The following XYLB variants were observed in gnomAD, a reference collection of about 807,000 sequenced individuals.
The protein encoded by XYLB is xylulokinase.
XYLB carries 62 observed loss-of-function variants against 78.7 expected under a neutral mutation model. The ratio of observed to expected loss-of-function variants is 0.79; its 90% confidence interval spans 0.64 to 0.97. The LOEUF is 0.97. XYLB is among the 50% of genes least tolerant of loss of function. The pLI, the probability that XYLB is intolerant of heterozygous loss-of-function variation, is 0.00. For missense variants in XYLB, 687 were observed against 676.8 expected (o/e 1.02, Z -0.17); for synonymous variants, 245 against 247.4 (o/e 0.99, Z 0.09).
In XYLB at chr3:38,349,499, G is replaced by C. The variant is rs550603004; in HGVS notation, c.140+867G>C. Among the ~76,000 whole-genome samples the C allele has an allele frequency of 5.3e-5, 8 of 152,304 alleles. No homozygotes were observed. The South Asian group carries it at 8.3e-4, about 16-fold the overall frequency. ...TAAAGAGGTTTTTGCTGGTCATTCAGGTATGAAATGATGGATAGGAGAGAG... is the reference window on the plus strand; with the variant it reads ...TAAAGAGGTTTTTGCTGGTCATTCACGTATGAAATGATGGATAGGAGAGAG... On this transcript the variant is annotated intron_variant, in intron 2 of 18. Transcript: ENST00000207870.
At chr3:38,389,439 C>T (rs1450471760) in intron 15 of XYLB, among the ~76,000 whole-genome samples, 1 of 152,074 alleles carries the variant, frequency 6.6e-6, no homozygotes, top group East Asian at 1.9e-4. Context: ...CATCATGGCC[C>T]GTTCTCAATG....
At position 38,413,056 on chromosome 3, in the gene XYLB, C is replaced by G. The variant is rs762655005; in HGVS notation, c.*43C>G. Reference sequence around the variant, plus strand: ...CCCTGCCTGCCCAGATTTACTGACCCCATTTGTCGACATGGCCCCAGACAG... The same window carrying G: ...CCCTGCCTGCCCAGATTTACTGACCGCATTTGTCGACATGGCCCCAGACAG... On this transcript the variant is annotated 3_prime_UTR_variant, in exon 19 of 19. Transcript: ENST00000207870. 15 of 1,550,036 alleles carry G rather than the reference C, an allele frequency of 9.7e-6. No homozygotes were observed. The highest frequency in any genetic ancestry group is 1.7e-4 in the Middle Eastern group (1 of 5,878).
Position 38,370,044 on chromosome 3 carries a change from T to A in XYLB, c.647-12T>A. On this transcript the variant is annotated splice_polypyrimidine_tract_variant and intron_variant, in intron 8 of 18. Coordinates refer to ENST00000207870, the MANE Select transcript of XYLB (RefSeq NM_005108.4). ...TCAAGATTGTCTGTTGTTTGTTTCC[T>A]TCCTTCCTCAGGTTCTGGAATGAAT... 1 of 1,611,422 alleles carries A rather than the reference T, an allele frequency of 6.2e-7. No individual in the cohort carries two copies. Among genetic ancestry groups the A allele is most frequent in the South Asian group, 1.1e-5 (1 of 91,004 alleles).
At chr3:38,434,153 C>T in the XYLB span, among the ~76,000 whole-genome samples, 6 of 152,308 alleles carry the variant, frequency 3.9e-5, no homozygotes, top group South Asian at 1.2e-3. Context: ...AAACCATCTC[C>T]ATGTTTCAAT....
At chr3:38,347,277 C>T (rs1005837795) in intron 1 of XYLB, among the ~76,000 whole-genome samples, 2 of 152,214 alleles carry the variant, frequency 1.3e-5, no homozygotes, top group Non-Finnish European at 2.9e-5. Context: ...GACGGGGATC[C>T]GAAGGAAGTC....
At chr3:38,402,730 C>T (rs1361757376) in intron 18 of XYLB, among the ~76,000 whole-genome samples, 2 of 152,116 alleles carry the variant, frequency 1.3e-5, no homozygotes, top group Admixed American at 1.3e-4. Context: ...GAATCCTTGA[C>T]CAAAATGGCT....
rs1004660196 is a variant in XYLB, at chr3:38,408,033, C to T, written c.1534-4903C>T. On this transcript the variant is annotated intron_variant, in intron 18 of 18. Transcript: ENST00000207870. The stretch of plus-strand genomic sequence containing the variant: ...TGAACTCAGCTCTGCACCAAGCGGA[C>T]CTAATAGACATCTACAGAACTCTCC... Among the ~76,000 whole-genome samples the T allele has an allele frequency of 6.9e-3, 1,049 of 152,096 alleles. 8 individuals are homozygous for T. The highest frequency in any genetic ancestry group is 0.024 in the African/African-American group (1,009 of 41,484).
chr3:38,406,268 G>GT, intron 18 of XYLB, among the ~76,000 whole-genome samples: 1 of 152,374 alleles, frequency 6.6e-6, no homozygotes, highest in East Asian at 1.9e-4. Flanking sequence ...CTGATACCCA[G>GT]GCAAACAGGG....
chr3:38,387,364 T>C (rs1399984398), intron 15 of XYLB, among the ~76,000 whole-genome samples: 1 of 152,088 alleles, frequency 6.6e-6, no homozygotes, highest in Non-Finnish European at 1.5e-5. Context: ...ATTTTTTGTT[T>C]TGTTTTGTTA....
At chr3:38,437,054 C>CA in the XYLB span, among the ~76,000 whole-genome samples, 29 of 121,462 alleles carry the variant, frequency 2.4e-4, no homozygotes, top group East Asian at 1.2e-3. Flanking sequence ...TAACAAAAAC[C>CA]AAAAAAAACC....
At position 38,376,156 on chromosome 3, in the gene XYLB, C is replaced by T. The variant is rs572441504; in HGVS notation, c.1044C>T (p.Asn348=). The change falls in exon 13 of 19, where the codon AAC becomes AAT. Residue 348 remains asparagine, a synonymous_variant. Transcript: ENST00000207870. ...CCCTCATGAGAGAGAAGATCCGCAA[C>T]GAGTCTGTATCCCGTTCCTGGAGCG... ...NGSLMREKIR[N]ESVSRSWSDF... is the part of the protein sequence containing the mutation. 3.2e-5 allele frequency: 52 copies of T among 1,614,100 alleles called. No individual in the cohort carries two copies. The highest frequency in any genetic ancestry group is 1.6e-4 in the Middle Eastern group (1 of 6,062).
the XYLB span, among the ~76,000 whole-genome samples, chr3:38,428,702 C>A: frequency 2.2e-4 from 34 of 152,140 alleles, no homozygotes; most frequent in Non-Finnish European, 4.7e-4. Flanking sequence ...TCTTCTTGAA[C>A]TGTAAACACT....
intron 12 of XYLB, among the ~76,000 whole-genome samples, chr3:38,375,899 C>T (rs1706828064): frequency 6.6e-6 from 1 of 152,144 alleles, no homozygotes; most frequent in African/African-American, 2.4e-5. Flanking sequence ...TGTAAACAGC[C>T]CAAGACAAGG....
the XYLB span, among the ~76,000 whole-genome samples, chr3:38,428,283 A>C: frequency 6.6e-6 from 1 of 152,220 alleles, no homozygotes; most frequent in Admixed American, 6.5e-5. Flanking sequence ...GCATTTGAAA[A>C]AAATGTGTTT....
At chr3:38,368,149 A>C in intron 7 of XYLB, 36 bp from the exon 8 acceptor site, 2 of 1,578,774 alleles carry the variant, frequency 1.3e-6, no homozygotes, top group Non-Finnish European at 1.7e-6. Context: ...GGGTATGTGG[A>C]AGTGAGGCAC....
At chr3:38,446,338 T>C in the XYLB span, among the ~76,000 whole-genome samples, 3 of 152,238 alleles carry the variant, frequency 2.0e-5, no homozygotes, top group East Asian at 3.9e-4. Flanking sequence ...AGAATGCTGA[T>C]TGGTGCATTT....
intron 18 of XYLB, among the ~76,000 whole-genome samples, chr3:38,408,037 A>G (rs1232629344): frequency 6.6e-6 from 1 of 152,092 alleles, no homozygotes; most frequent in Middle Eastern, 3.2e-3. Flanking sequence ...AGCGGACCTA[A>G]TAGACATCTA....
Position 38,413,057 on chromosome 3 carries a change from C to A in XYLB, c.*44C>A. On this transcript the variant is annotated 3_prime_UTR_variant, in exon 19 of 19. Transcript: ENST00000207870. ...CCTGCCTGCCCAGATTTACTGACCC[C>A]ATTTGTCGACATGGCCCCAGACAGG... The A allele has an allele frequency of 6.5e-7, 1 of 1,540,484 alleles. No individual in the cohort carries two copies. The highest frequency in any genetic ancestry group is 8.7e-7 in the Non-Finnish European group (1 of 1,143,252).
chr3:38,420,946 C>T (rs530144926), downstream of XYLB, among the ~76,000 whole-genome samples: 13 of 152,318 alleles, frequency 8.5e-5, no homozygotes, highest in African/African-American at 2.2e-4. Flanking sequence ...AAACCACAAA[C>T]GATAGCAGGA....
Sources: gnomAD v4.1 joint callset for allele counts (sites outside exome capture counted in the v4.1 genomes callset) on GRCh38, gnomAD v4.1.1 for gene constraint, MANE v1.5 for transcripts, NCBI Gene and HGNC (gene_info 2026-07-23, HGNC 2026-07-21) for gene names.